Variants in FHIT observed in about 807,000 individuals in gnomAD.
FHIT encodes the protein bis(5'-adenosyl)-triphosphatase.
In FHIT, 19 loss-of-function variants were observed where a neutral mutation model predicts 17.9. The ratio of observed to expected loss-of-function variants is 1.06; its 90% confidence interval spans 0.74 to 1.56. The LOEUF (loss-of-function observed/expected upper bound fraction) is 1.56, where lower values mean the gene tolerates loss of function less well. Among genes scored for constraint, FHIT ranks in the 40% most tolerant of loss-of-function variants. FHIT has a pLI of 0.00. For missense variants in FHIT, 248 were observed against 189.2 expected, an observed-to-expected ratio of 1.31 and a Z score of -1.82; for synonymous variants, 81 against 69.7, an observed-to-expected ratio of 1.16 and a Z score of -0.81.
intron 5 of FHIT, among the ~76,000 whole-genome samples, chr3:60,417,169 C>G (rs1003805299): frequency 1.3e-5 from 2 of 151,816 alleles, no homozygotes; most frequent in African/African-American, 4.8e-5. Flanking sequence ...GTGGCTACAT[C>G]CATAATCTGG....
chr3:60,156,881 T>A lies in FHIT; in HGVS notation c.104-142729A>T, dbSNP rs1200196661. Among the ~76,000 whole-genome samples the A allele has an allele frequency of 4.1e-4, 63 of 152,174 alleles. 1 individual carries two copies. Reference sequence around the variant, plus strand: ...TCTTGGCAACAAAAGTAATGCTGGGTCTTAATCAATGTGCATTAGTATGCT... The same window carrying A: ...TCTTGGCAACAAAAGTAATGCTGGGACTTAATCAATGTGCATTAGTATGCT... On this transcript the variant is annotated intron_variant, in intron 5 of 9. Transcript: ENST00000492590.
intron 2 of FHIT, among the ~76,000 whole-genome samples, chr3:61,075,853 C>T (rs2034956249): frequency 6.6e-6 from 1 of 152,026 alleles, no homozygotes; most frequent in South Asian, 2.1e-4. Context: ...TTGAGTCTAA[C>T]AAGGAACTAG....
intron 8 of FHIT, among the ~76,000 whole-genome samples, chr3:59,849,004 A>G (rs551962277): frequency 1.8e-4 from 28 of 152,288 alleles, no homozygotes; most frequent in African/African-American, 6.5e-4. Context: ...TTAGGACAGT[A>G]CTCTCATATA....
chr3:61,092,112 G>C (rs2035504102), intron 2 of FHIT, among the ~76,000 whole-genome samples: 1 of 151,388 alleles, frequency 6.6e-6, no homozygotes, highest in Non-Finnish European at 1.5e-5. Context: ...GTGGTGGGGT[G>C]GGGGTAGGGG....
chr3:60,197,179 A>C (rs867512441), intron 5 of FHIT, among the ~76,000 whole-genome samples: 2 of 152,334 alleles, frequency 1.3e-5, no homozygotes, highest in Middle Eastern at 6.8e-3. Flanking sequence ...CATAAATGCC[A>C]CAGCTTGGAA....
chr3:59,911,874 G>C (rs1264846109), intron 8 of FHIT, among the ~76,000 whole-genome samples: 1 of 152,154 alleles, frequency 6.6e-6, no homozygotes, highest in Non-Finnish European at 1.5e-5. Flanking sequence ...GTCATTTCTT[G>C]ACAACCTACT....
At chr3:60,296,121 G>A (rs1336997878) in intron 5 of FHIT, among the ~76,000 whole-genome samples, 5 of 152,086 alleles carry the variant, frequency 3.3e-5, no homozygotes, top group Non-Finnish European at 5.9e-5. Flanking sequence ...CCCCAGCCAC[G>A]TGGAACTGTG....
intron 5 of FHIT, among the ~76,000 whole-genome samples, chr3:60,164,793 G>C (rs1378876207): frequency 1.3e-5 from 2 of 152,066 alleles, no homozygotes; most frequent in Non-Finnish European, 2.9e-5. Context: ...AAAGCTAAGA[G>C]AGTACATTTA....
chr3:59,929,363 G>GTTTTTT (rs869243844), intron 7 of FHIT, among the ~76,000 whole-genome samples: 31 of 67,066 alleles, frequency 4.6e-4, no homozygotes, highest in African/African-American at 8.6e-4. Context: ...TGTTTTTTTG[G>GTTTTTT]TTTTTTTTTT....
At chr3:59,901,171 A>T (rs911068567) in intron 8 of FHIT, among the ~76,000 whole-genome samples, 2 of 152,198 alleles carry the variant, frequency 1.3e-5, no homozygotes, top group African/African-American at 4.8e-5. Context: ...TCTTAGTGTC[A>T]TGTTTACTCT....
intron 8 of FHIT, among the ~76,000 whole-genome samples, chr3:59,810,183 A>C (rs970596840): frequency 6.6e-6 from 1 of 152,102 alleles, no homozygotes; most frequent in Admixed American, 6.6e-5. Flanking sequence ...AGCCATCGTC[A>C]TTTGTGTGAG....
chr3:60,112,595 C>A (rs1283085898), intron 5 of FHIT, among the ~76,000 whole-genome samples: 2 of 152,182 alleles, frequency 1.3e-5, no homozygotes. Context: ...TTTCACCTTC[C>A]ACACATCACA....
At chr3:60,555,658 C>T (rs1474807312) in intron 4 of FHIT, among the ~76,000 whole-genome samples, 1 of 152,154 alleles carries the variant, frequency 6.6e-6, no homozygotes, top group African/African-American at 2.4e-5. Flanking sequence ...TCTAATCCTA[C>T]CCATCTCATT....
intron 4 of FHIT, among the ~76,000 whole-genome samples, chr3:60,576,953 C>T (rs1313439049): frequency 7.0e-6 from 1 of 141,872 alleles, no homozygotes; most frequent in African/African-American, 3.0e-5. Flanking sequence ...TTTGCATACA[C>T]ACACACACAC....
intron 4 of FHIT, among the ~76,000 whole-genome samples, chr3:60,671,721 C>G (rs1716710): frequency 0.85 from 128,465 of 150,602 alleles, 55,001 homozygotes; most frequent in Non-Finnish European, 0.9. Context: ...AAGTGGATCA[C>G]CTGAGGTCAG....
chr3:61,213,970 C>A (rs1170455973), intron 1 of FHIT, among the ~76,000 whole-genome samples: 1 of 152,158 alleles, frequency 6.6e-6, no homozygotes, highest in East Asian at 1.9e-4. Context: ...AGAACAAAGA[C>A]ACAACATACC....
At chr3:60,412,507 C>T (rs747236957) in intron 5 of FHIT, among the ~76,000 whole-genome samples, 1 of 152,092 alleles carries the variant, frequency 6.6e-6, no homozygotes, top group African/African-American at 2.4e-5. Flanking sequence ...TTCCTAGTCT[C>T]TCCCAAGATA....
At chr3:59,819,486 G>C (rs1700716540) in intron 8 of FHIT, among the ~76,000 whole-genome samples, 1 of 151,994 alleles carries the variant, frequency 6.6e-6, no homozygotes, top group Non-Finnish European at 1.5e-5. Context: ...TTAATTTTTA[G>C]AAATTATTTG....
chr3:60,686,345 G>C (rs1317270888), intron 4 of FHIT, among the ~76,000 whole-genome samples: 5 of 152,114 alleles, frequency 3.3e-5, no homozygotes, highest in Admixed American at 6.6e-5. Flanking sequence ...TGGGGCCACT[G>C]TTTCTTCAAA....
Sources: allele counts gnomAD v4.1 joint callset (sites outside exome capture counted in the v4.1 genomes callset), GRCh38; gene constraint gnomAD v4.1.1; transcripts MANE v1.5; gene names NCBI Gene and HGNC (gene_info 2026-07-23, HGNC 2026-07-21).